ATP8B4: variants seen among roughly 807,000 people sequenced by gnomAD.
ATP8B4 encodes probable phospholipid-transporting ATPase IM.
Under a neutral mutation model 145.6 loss-of-function variants are expected in ATP8B4, and 133 were observed. The observed-to-expected ratio is 0.91, with a 90% confidence interval of 0.79 to 1.05. The LOEUF (loss-of-function observed/expected upper bound fraction) is 1.05. Among genes scored for constraint, ATP8B4 ranks in the 50% least tolerant of loss-of-function variants. The pLI is 0.00. For synonymous variants in ATP8B4, 507 were observed against 492.9 expected, an observed-to-expected ratio of 1.03 and a Z score of -0.38; for missense variants, 1,458 against 1,425.2, an observed-to-expected ratio of 1.02 and a Z score of -0.37.
At chr15:50,050,616 T>C (rs1487818317) in intron 3 of ATP8B4, among the ~76,000 whole-genome samples, 1 of 151,404 alleles carries the variant, frequency 6.6e-6, no homozygotes, top group Non-Finnish European at 1.5e-5. Flanking sequence ...TAGACAAATA[T>C]ACATTAAAAA....
chr15:49,917,709 A>T (rs992742538), intron 19 of ATP8B4, among the ~76,000 whole-genome samples: 3 of 152,208 alleles, frequency 2.0e-5, no homozygotes, highest in African/African-American at 7.2e-5. Context: ...CTTCTATCTA[A>T]TAGAGTTATT....
intron 2 of ATP8B4, among the ~76,000 whole-genome samples, chr15:50,075,744 C>G (rs1002570315): frequency 6.6e-6 from 1 of 152,208 alleles, no homozygotes; most frequent in African/African-American, 2.4e-5. Flanking sequence ...CAAACCCTGG[C>G]TAAAAAGCAC....
chr15:50,162,834 T>C (rs2044542716), intron 1 of ATP8B4, among the ~76,000 whole-genome samples: 1 of 152,192 alleles, frequency 6.6e-6, no homozygotes, highest in African/African-American at 2.4e-5. Flanking sequence ...TTGTTTCCTC[T>C]GTGTATTTTC....
At chr15:49,967,155 G>C (rs2044628884) in intron 13 of ATP8B4, among the ~76,000 whole-genome samples, 1 of 152,198 alleles carries the variant, frequency 6.6e-6, no homozygotes, top group South Asian at 2.1e-4. Context: ...AATCCATGAA[G>C]ATGAGGAAAA....
At chr15:50,080,837 G>T (rs1028769791) in intron 2 of ATP8B4, among the ~76,000 whole-genome samples, 2 of 152,090 alleles carry the variant, frequency 1.3e-5, no homozygotes, top group Admixed American at 6.5e-5. Context: ...TCATGGGCCG[G>T]GCGCAGTGGC....
chr15:50,098,266 ATTTTTTTTTTTTTTTTTTTTTT>A (rs71124319), intron 2 of ATP8B4, among the ~76,000 whole-genome samples: 41 of 41,764 alleles, frequency 9.8e-4, no homozygotes, highest in African/African-American at 2.7e-3. Context: ...TTGTCAGGTG[ATTTTTTTTTTTTTTTTTTTTTT>A]TTTTTTTTTT....
chr15:49,918,494 G>C (rs2039957947), intron 19 of ATP8B4, among the ~76,000 whole-genome samples: 2 of 152,126 alleles, frequency 1.3e-5, no homozygotes, highest in Non-Finnish European at 2.9e-5. Context: ...TCCTGCTTTA[G>C]TTCTGTGCCA....
At chr15:49,979,361 G>A (rs1318013967) in intron 12 of ATP8B4, among the ~76,000 whole-genome samples, 1 of 152,090 alleles carries the variant, frequency 6.6e-6, no homozygotes, top group Non-Finnish European at 1.5e-5. Flanking sequence ...TTATATTGTA[G>A]TGCATGTCTT....
At chr15:50,172,752 G>A (rs911005755) in intron 1 of ATP8B4, among the ~76,000 whole-genome samples, 20 of 151,100 alleles carry the variant, frequency 1.3e-4, no homozygotes, top group East Asian at 3.9e-4. Context: ...CCTCTGCCCC[G>A]CCGCCCCGTC....
chr15:49,888,124 T>C (rs2036411013), intron 23 of ATP8B4, among the ~76,000 whole-genome samples: 1 of 152,222 alleles, frequency 6.6e-6, no homozygotes. Context: ...ACATCTGTTA[T>C]TGATTTGTGT....
chr15:50,126,776 C>T (rs116717589), intron 1 of ATP8B4, among the ~76,000 whole-genome samples: 175 of 152,184 alleles, frequency 1.1e-3, no homozygotes, highest in African/African-American at 3.9e-3. Flanking sequence ...AAACAATAGC[C>T]AAAGAAGTTA....
chr15:50,170,426 C>T (rs902163457), intron 1 of ATP8B4, among the ~76,000 whole-genome samples: 2 of 151,984 alleles, frequency 1.3e-5, no homozygotes, highest in African/African-American at 4.8e-5. Context: ...CAAAACTAGG[C>T]ATCATATATG....
intron 2 of ATP8B4, among the ~76,000 whole-genome samples, chr15:50,087,261 A>G (rs2055245006): frequency 7.4e-6 from 1 of 135,800 alleles, no homozygotes; most frequent in African/African-American, 2.7e-5. Flanking sequence ...ATATAGATCT[A>G]TATGTATTAT....
intron 1 of ATP8B4, among the ~76,000 whole-genome samples, chr15:50,176,104 A>G (rs887185908): frequency 1.2e-4 from 18 of 150,856 alleles, no homozygotes; most frequent in East Asian, 3.9e-4. Flanking sequence ...TATAGTGTGT[A>G]TATATATATA....
At position 49,862,360 on chromosome 15, in the gene ATP8B4, G is replaced by T. The variant is rs1327524527; in HGVS notation, c.3182C>A (p.Ser1061Tyr). 2 of 1,613,462 alleles carry T rather than the reference G, an allele frequency of 1.2e-6. No homozygotes were observed. The highest frequency in any genetic ancestry group is 1.7e-6 in the Non-Finnish European group (2 of 1,179,606). ...AAGCCAGATGCACTTCTGGGTCAGG[G>T]AATGTCGTGCATTACCTATCAATCA... is the stretch of plus-strand genomic sequence containing the variant. ...QFPFVGNARHSLTQKCIWLVI... is the reference protein window; with the variant it reads ...QFPFVGNARHYLTQKCIWLVI... The change falls in exon 27 of 28, where the codon TCC becomes TAC. Residue 1061 changes from serine (S) to tyrosine (Y), a missense_variant. Coordinates refer to ENST00000284509, the MANE Select transcript of ATP8B4 (RefSeq NM_024837.4).
chr15:49,956,491 G>C (rs2043572777), intron 14 of ATP8B4, among the ~76,000 whole-genome samples: 1 of 152,064 alleles, frequency 6.6e-6, no homozygotes, highest in Non-Finnish European at 1.5e-5. Flanking sequence ...GAAGAAACTG[G>C]CCCAAAGAGT....
At chr15:50,092,705 G>A (rs2055690464) in intron 2 of ATP8B4, among the ~76,000 whole-genome samples, 1 of 151,890 alleles carries the variant, frequency 6.6e-6, no homozygotes, top group Non-Finnish European at 1.5e-5. Context: ...TCAGAAAAGA[G>A]CATAAAAAGA....
chr15:50,026,745 C>T (rs1174562188), intron 6 of ATP8B4, among the ~76,000 whole-genome samples: 2 of 152,168 alleles, frequency 1.3e-5, no homozygotes, highest in Non-Finnish European at 2.9e-5. Flanking sequence ...TGACACCAGG[C>T]TAGTGGACTT....
intron 1 of ATP8B4, among the ~76,000 whole-genome samples, chr15:50,136,086 G>A (rs1457457230): frequency 4.6e-5 from 7 of 152,042 alleles, no homozygotes; most frequent in Admixed American, 1.3e-4. Context: ...TGATTGAGTC[G>A]ATTACTGTGA....
Sources: gnomAD v4.1 joint callset for allele counts (sites outside exome capture counted in the v4.1 genomes callset) on GRCh38, gnomAD v4.1.1 for gene constraint, MANE v1.5 for transcripts, NCBI Gene and HGNC (gene_info 2026-07-23, HGNC 2026-07-21) for gene names.